The following AP3S1 variants were observed in gnomAD, a reference collection of about 807,000 sequenced individuals.
AP3S1 encodes AP-3 complex subunit sigma-1.
A neutral mutation model predicts 21.3 loss-of-function variants in AP3S1; 12 were observed. The ratio of observed to expected loss-of-function variants is 0.56; its 90% confidence interval spans 0.36 to 0.91. The LOEUF is 0.91. Among genes scored for constraint, AP3S1 ranks in the 40% least tolerant of loss-of-function variants. AP3S1 has a pLI of 0.01. For missense variants in AP3S1, 116 were observed against 225.0 expected (o/e 0.52, Z 3.10); for synonymous variants, 48 against 78.4 (o/e 0.61, Z 2.05).
intron 4 of AP3S1, among the ~76,000 whole-genome samples, chr5:115,898,105 G>T (rs928166601): frequency 9.2e-5 from 14 of 152,144 alleles, no homozygotes; most frequent in Non-Finnish European, 1.6e-4. Context: ...GTCATTTTGG[G>T]ATCCATGGTA....
chr5:115,854,343 A>G (rs946009967), intron 1 of AP3S1, among the ~76,000 whole-genome samples: 1 of 152,204 alleles, frequency 6.6e-6, no homozygotes, highest in African/African-American at 2.4e-5. Flanking sequence ...TTTTTTGTGC[A>G]TGCTAAGCAT....
At chr5:115,905,857 A>G (rs79113396) in intron 5 of AP3S1, among the ~76,000 whole-genome samples, 9,002 of 152,252 alleles carry the variant, frequency 0.059, 318 homozygotes, top group Non-Finnish European at 0.075. Flanking sequence ...ATAAGGACAA[A>G]CTTAATGACT....
At chr5:115,888,450 A>G (rs1749987048) in intron 3 of AP3S1, among the ~76,000 whole-genome samples, 1 of 152,168 alleles carries the variant, frequency 6.6e-6, no homozygotes. Context: ...TTCTGATGAT[A>G]TTAAATAATT....
intron 3 of AP3S1, among the ~76,000 whole-genome samples, chr5:115,879,369 TC>T (rs1749063444): frequency 6.6e-6 from 1 of 152,196 alleles, no homozygotes; most frequent in Non-Finnish European, 1.5e-5. Context: ...TGAGATATGT[TC>T]CATCTATACG....
chr5:115,862,582 A>G (rs1339363755), intron 1 of AP3S1, among the ~76,000 whole-genome samples: 1 of 152,214 alleles, frequency 6.6e-6, no homozygotes, highest in Non-Finnish European at 1.5e-5. Flanking sequence ...TGTAGTTTGT[A>G]CTGTACTACT....
At chr5:115,896,492 T>G (rs1025298142) in intron 4 of AP3S1, among the ~76,000 whole-genome samples, 4 of 152,136 alleles carry the variant, frequency 2.6e-5, no homozygotes, top group African/African-American at 9.7e-5. Context: ...AAAATTATGT[T>G]TGAAGACCAG....
intron 5 of AP3S1, among the ~76,000 whole-genome samples, chr5:115,908,062 A>G (rs1751802300): frequency 6.6e-6 from 1 of 152,176 alleles, no homozygotes; most frequent in Admixed American, 6.5e-5. Context: ...CTAAATTTTT[A>G]CTTACTCTCT....
chr5:115,843,089 A>C (rs1192490924), intron 1 of AP3S1, among the ~76,000 whole-genome samples: 1 of 152,234 alleles, frequency 6.6e-6, no homozygotes, highest in Non-Finnish European at 1.5e-5. Context: ...TTATAGAGTT[A>C]TGTGCTTACC....
At chr5:115,890,664 A>T (rs1750220009) in intron 3 of AP3S1, among the ~76,000 whole-genome samples, 1 of 152,236 alleles carries the variant, frequency 6.6e-6, no homozygotes, top group African/African-American at 2.4e-5. Context: ...GGTGGAACTT[A>T]AGTGGCTTTA....
chr5:115,866,649 A>G (rs527938115), intron 1 of AP3S1, 21 bp from the exon 2 acceptor site: 2 of 1,517,416 alleles, frequency 1.3e-6, no homozygotes, highest in African/African-American at 1.4e-5. Flanking sequence ...ATCCTAATAT[A>G]TATGAATTAT....
At chr5:115,871,768 AT>A (rs1480377980) in intron 3 of AP3S1, among the ~76,000 whole-genome samples, 4 of 152,156 alleles carry the variant, frequency 2.6e-5, no homozygotes, top group Non-Finnish European at 5.9e-5. Context: ...CTACGCAAGA[AT>A]CATTTTCTGT....
chr5:115,905,180 A>C (rs952677384), intron 5 of AP3S1, among the ~76,000 whole-genome samples: 1 of 152,224 alleles, frequency 6.6e-6, no homozygotes, highest in African/African-American at 2.4e-5. Flanking sequence ...AAAGTTATGA[A>C]GGACCTATAA....
At chr5:115,906,272 T>G (rs1751647968) in intron 5 of AP3S1, among the ~76,000 whole-genome samples, 1 of 152,214 alleles carries the variant, frequency 6.6e-6, no homozygotes, top group South Asian at 2.1e-4. Context: ...GGAACATCAT[T>G]TATATTTAAA....
chr5:115,866,112 C>A (rs1020176802), intron 1 of AP3S1, among the ~76,000 whole-genome samples: 1 of 152,106 alleles, frequency 6.6e-6, no homozygotes, highest in African/African-American at 2.4e-5. Context: ...CTGACTCTTA[C>A]TGGAATATGA....
intron 3 of AP3S1, among the ~76,000 whole-genome samples, chr5:115,872,148 A>G (rs1343982071): frequency 1.3e-5 from 2 of 152,116 alleles, no homozygotes; most frequent in African/African-American, 4.8e-5. Context: ...TACAAAAATT[A>G]GACAGGCATG....
Position 115,870,882 on chromosome 5 carries a change from G to T in AP3S1, c.273+754G>T, listed in dbSNP as rs187305385. The stretch of plus-strand genomic sequence containing the variant: ...CTGGCAGAAGGCAGGAGATTTCTGG[G>T]CCAGAGACAAAGGACCTTATTACTA... On this transcript the variant is annotated intron_variant, in intron 3 of 5. Coordinates refer to ENST00000316788, the MANE Select transcript of AP3S1 (RefSeq NM_001284.4). Among the ~76,000 whole-genome samples, 5 of 152,254 alleles carry T rather than the reference G, an allele frequency of 3.3e-5. No individual in the cohort carries two copies. The East Asian group carries it at 9.6e-4, about 29-fold the overall frequency.
At chr5:115,890,896 C>G (rs1425170292) in intron 3 of AP3S1, among the ~76,000 whole-genome samples, 2 of 152,100 alleles carry the variant, frequency 1.3e-5, no homozygotes, top group African/African-American at 4.8e-5. Flanking sequence ...GCTGTTTCAT[C>G]AGGGCTGCCC....
chr5:115,878,862 T>C (rs369800278), intron 3 of AP3S1, among the ~76,000 whole-genome samples: 16 of 152,218 alleles, frequency 1.1e-4, no homozygotes, highest in East Asian at 9.6e-4. Context: ...TTGTGTTCTG[T>C]CTTATTTCCT....
In AP3S1 at chr5:115,899,556, G is replaced by T. The variant is rs192985228; in HGVS notation, c.346-3329G>T. ...TCCTGCCTTGGCCTCCCAAAGCATT[G>T]AGATTACAGGTGTGAGCCACCACCT... On this transcript the variant is annotated intron_variant, in intron 4 of 5. Transcript: ENST00000316788. Among the ~76,000 whole-genome samples, 389 of 152,288 alleles carry T rather than the reference G, an allele frequency of 2.6e-3. 1 individual carries two copies. The highest frequency in any genetic ancestry group is 4.2e-3 in the Admixed American group (65 of 15,300).
Sources: allele counts gnomAD v4.1 joint callset (sites outside exome capture counted in the v4.1 genomes callset), GRCh38; gene constraint gnomAD v4.1.1; transcripts MANE v1.5; gene names NCBI Gene and HGNC (gene_info 2026-07-23, HGNC 2026-07-21).